The following DLG2 variants were observed in gnomAD, a reference collection of about 807,000 sequenced individuals.
The protein encoded by DLG2 is disks large homolog 2.
A neutral mutation model predicts 132.5 loss-of-function variants in DLG2; 45 were observed. The observed-to-expected ratio is 0.34, with a 90% CI of 0.27 to 0.44. The LOEUF is 0.44. Among genes scored for constraint, DLG2 ranks in the 20% least tolerant of loss-of-function variants. The pLI is 1.00. For missense variants in DLG2, 1,045 were observed against 1,196.9 expected (o/e 0.87, Z 1.87); for synonymous variants, 424 against 419.6 (o/e 1.01, Z -0.13).
chr11:83,984,977 A>G (rs1461596619), intron 11 of DLG2, among the ~76,000 whole-genome samples: 1 of 152,172 alleles, frequency 6.6e-6, no homozygotes, highest in East Asian at 1.9e-4. Flanking sequence ...AAACACTGTA[A>G]TAATAATGAC....
rs79748213 is a variant in DLG2 at position 85,499,906 on chromosome 11, C to G, written c.40+98751G>C. ...TGACAAAATTCAACAGCCTTTCATG[C>G]TTAAATCTCCCAATAAACTAGGTAT... On this transcript the variant is annotated intron_variant, in intron 3 of 27. Transcript: ENST00000376104. 9.1e-3 allele frequency among the ~76,000 whole-genome samples: 1,393 copies of G among 152,254 alleles called. 19 individuals are homozygous for G. Among genetic ancestry groups the G allele is most frequent in the African/African-American group, 0.03 (1,244 of 41,552 alleles).
intron 7 of DLG2, among the ~76,000 whole-genome samples, chr11:84,302,114 C>T (rs1261237791): frequency 1.3e-5 from 2 of 152,068 alleles, no homozygotes; most frequent in African/African-American, 4.8e-5. Context: ...AACCAAACGC[C>T]ACATGTTCTC....
At chr11:85,189,912 C>T (rs995723419) in intron 4 of DLG2, among the ~76,000 whole-genome samples, 1 of 152,118 alleles carries the variant, frequency 6.6e-6, no homozygotes, top group African/African-American at 2.4e-5. Flanking sequence ...CCTTGCACCT[C>T]AGCTTCCTGA....
At chr11:84,659,429 A>G (rs1178433902) in intron 6 of DLG2, among the ~76,000 whole-genome samples, 3 of 152,088 alleles carry the variant, frequency 2.0e-5, no homozygotes, top group Admixed American at 1.3e-4. Flanking sequence ...TTGACTACCA[A>G]TAAACTTCTG....
chr11:84,023,323 T>A (rs2095447978), intron 11 of DLG2, among the ~76,000 whole-genome samples: 1 of 152,150 alleles, frequency 6.6e-6, no homozygotes. Context: ...TATTTGGTAA[T>A]AACAGCAATA....
intron 6 of DLG2, among the ~76,000 whole-genome samples, chr11:84,930,154 GCTAT>G (rs2047924073): frequency 6.6e-5 from 10 of 152,046 alleles, no homozygotes; most frequent in Admixed American, 5.2e-4. Flanking sequence ...TGGATCAGAG[GCTAT>G]CTTTTTATGA....
At chr11:84,861,650 A>AAC (rs2083710661) in intron 6 of DLG2, among the ~76,000 whole-genome samples, 1 of 145,856 alleles carries the variant, frequency 6.9e-6, no homozygotes, top group African/African-American at 2.5e-5. Flanking sequence ...CAAAAAAAAA[A>AAC]ACCTATCAGA....
chr11:85,602,487 G>A (rs1193351838), intron 2 of DLG2, among the ~76,000 whole-genome samples: 1 of 151,954 alleles, frequency 6.6e-6, no homozygotes, highest in Non-Finnish European at 1.5e-5. Context: ...ATGTAGTGGG[G>A]CAATCACTGC....
At chr11:83,782,037 C>A (rs2094850178) in intron 18 of DLG2, among the ~76,000 whole-genome samples, 1 of 152,032 alleles carries the variant, frequency 6.6e-6, no homozygotes, top group African/African-American at 2.4e-5. Flanking sequence ...TGCTATATTT[C>A]AAAACAACAG....
intron 6 of DLG2, among the ~76,000 whole-genome samples, chr11:84,702,369 G>A (rs1189947673): frequency 6.6e-6 from 1 of 151,672 alleles, no homozygotes; most frequent in Admixed American, 6.6e-5. Flanking sequence ...CATCAACCAT[G>A]TGAATGGTTC....
intron 6 of DLG2, among the ~76,000 whole-genome samples, chr11:84,804,448 A>G (rs988323512): frequency 4.6e-5 from 7 of 152,220 alleles, no homozygotes; most frequent in African/African-American, 1.4e-4. Flanking sequence ...ATGTACAAAT[A>G]AAACCCCTGG....
chr11:85,410,056 T>C (rs1329986524), intron 3 of DLG2, among the ~76,000 whole-genome samples: 2 of 151,900 alleles, frequency 1.3e-5, no homozygotes, highest in South Asian at 2.1e-4. Context: ...GAATCTTTTA[T>C]TGTCAGCAGC....
intron 3 of DLG2, among the ~76,000 whole-genome samples, chr11:85,398,993 C>T (rs1393085545): frequency 6.6e-6 from 1 of 152,082 alleles, no homozygotes; most frequent in Non-Finnish European, 1.5e-5. Flanking sequence ...TCAAATTGTC[C>T]CTGTTTGCAG....
At chr11:84,520,344 T>C (rs1438829759) in intron 7 of DLG2, among the ~76,000 whole-genome samples, 1 of 152,184 alleles carries the variant, frequency 6.6e-6, no homozygotes, top group Non-Finnish European at 1.5e-5. Context: ...CCATTTGACA[T>C]GGTTTTAATA....
Position 84,669,354 on chromosome 11 carries a change from G to A in DLG2, c.358-134623C>T, listed in dbSNP as rs547270267. Among the ~76,000 whole-genome samples, 3 of 152,148 alleles carry A rather than the reference G, an allele frequency of 2.0e-5. No individual in the cohort carries two copies. The East Asian group carries it at 5.8e-4, about 29-fold the overall frequency. ...AAGGAAAACATTTACCAGTCACAAA[G>A]ACTAACTTCATATGCCAAAGTAGGA... On this transcript the variant is annotated intron_variant, in intron 6 of 27. Transcript: ENST00000376104.
intron 15 of DLG2, among the ~76,000 whole-genome samples, chr11:83,877,682 C>A (rs1225693438): frequency 6.6e-6 from 1 of 152,160 alleles, no homozygotes; most frequent in Non-Finnish European, 1.5e-5. Flanking sequence ...TTGGAACAAA[C>A]AGAGCCTTTT....
At chr11:85,418,142 G>C (rs78019057) in intron 3 of DLG2, among the ~76,000 whole-genome samples, 9,181 of 151,982 alleles carry the variant, frequency 0.06, 420 homozygotes, top group African/African-American at 0.12. Context: ...AGTACACTTT[G>C]TTTTTGTTCT....
At chr11:83,556,102 C>T (rs961784895) in intron 19 of DLG2, among the ~76,000 whole-genome samples, 3 of 152,034 alleles carry the variant, frequency 2.0e-5, no homozygotes, top group African/African-American at 4.8e-5. Flanking sequence ...ATTTATGGCA[C>T]GTGTTTTGAG....
chr11:85,057,122 G>T (rs192003044), intron 6 of DLG2, among the ~76,000 whole-genome samples: 1 of 151,380 alleles, frequency 6.6e-6, no homozygotes, highest in African/African-American at 2.4e-5. Context: ...ATTTTTAAAA[G>T]GAGAATATCT....
Sources: gnomAD v4.1 joint callset for allele counts (sites outside exome capture counted in the v4.1 genomes callset) on GRCh38, gnomAD v4.1.1 for gene constraint, MANE v1.5 for transcripts, NCBI Gene and HGNC (gene_info 2026-07-23, HGNC 2026-07-21) for gene names.